The following MAF variants were observed in gnomAD, a reference collection of about 807,000 sequenced individuals.
The protein encoded by MAF is transcription factor Maf.
Under a neutral mutation model 22.0 loss-of-function variants are expected in MAF, and 10 were observed. The ratio of observed to expected loss-of-function variants is 0.45; its 90% CI spans 0.28 to 0.77. MAF has a LOEUF of 0.77. MAF is among the 30% of genes least tolerant of loss of function. The probability of loss-of-function intolerance (pLI) is 0.12; values close to 1 mark genes in which losing one functional copy is unlikely to be tolerated. For missense variants in MAF, 544 were observed against 548.4 expected (o/e 0.99, Z 0.08); for synonymous variants, 337 against 255.8 (o/e 1.32, Z -3.03).
the MAF span, among the ~76,000 whole-genome samples, chr16:79,453,921 A>G: frequency 6.6e-6 from 1 of 152,150 alleles, no homozygotes. Flanking sequence ...AATACTAAAT[A>G]CCTACCTTGC....
the MAF span, among the ~76,000 whole-genome samples, chr16:79,426,987 G>A: frequency 6.6e-6 from 1 of 152,188 alleles, no homozygotes; most frequent in African/African-American, 2.4e-5. Flanking sequence ...CTGGATTGCT[G>A]AACTGCAGAA....
chr16:79,493,145 T>TG, the MAF span, among the ~76,000 whole-genome samples: 17 of 146,144 alleles, frequency 1.2e-4, no homozygotes, highest in South Asian at 2.2e-4. Context: ...TTTTTTTTGT[T>TG]TTGTTTTGTC....
the MAF span, among the ~76,000 whole-genome samples, chr16:79,526,667 A>G: frequency 6.6e-6 from 1 of 152,282 alleles, no homozygotes; most frequent in Non-Finnish European, 1.5e-5. Context: ...CAAAACAACA[A>G]CAACAAAAAA....
the MAF span, among the ~76,000 whole-genome samples, chr16:79,341,698 T>G: frequency 1.3e-5 from 2 of 152,310 alleles, no homozygotes; most frequent in East Asian, 3.9e-4. Flanking sequence ...ACAATATAAC[T>G]CTGGCTTTGG....
chr16:79,220,269 AAAAAAG>A, the MAF span, among the ~76,000 whole-genome samples: 1 of 151,364 alleles, frequency 6.6e-6, no homozygotes, highest in Admixed American at 6.6e-5. Flanking sequence ...AAAAAAAAAA[AAAAAAG>A]TTAAAGTTAA....
At chr16:79,436,809 C>T in the MAF span, among the ~76,000 whole-genome samples, 6 of 152,342 alleles carry the variant, frequency 3.9e-5, no homozygotes, top group Admixed American at 3.9e-4. Flanking sequence ...CTTGGCATCT[C>T]CAGCACTCCA....
chr16:79,255,077 T>C, the MAF span, among the ~76,000 whole-genome samples: 474 of 152,358 alleles, frequency 3.1e-3, 7 homozygotes, highest in Admixed American at 0.023. Context: ...TTATGTCTCC[T>C]GAAAACGTCT....
the MAF span, among the ~76,000 whole-genome samples, chr16:79,210,015 A>G: frequency 6.6e-6 from 1 of 152,190 alleles, no homozygotes; most frequent in African/African-American, 2.4e-5. Flanking sequence ...GAGGTAACAA[A>G]CCAGCTACTA....
chr16:79,476,486 G>A, the MAF span, among the ~76,000 whole-genome samples: 1 of 152,322 alleles, frequency 6.6e-6, no homozygotes, highest in South Asian at 2.1e-4. Flanking sequence ...ATTTGAAAGA[G>A]TGAAGTGCAT....
the MAF span, among the ~76,000 whole-genome samples, chr16:79,501,662 C>G: frequency 1.2e-4 from 19 of 152,176 alleles, no homozygotes; most frequent in African/African-American, 4.6e-4. Context: ...AAAATTACAT[C>G]AAACAACTGA....
chr16:79,512,104 C>T, the MAF span, among the ~76,000 whole-genome samples: 1 of 152,182 alleles, frequency 6.6e-6, no homozygotes, highest in South Asian at 2.1e-4. Flanking sequence ...CCTGTAGAGA[C>T]AGCCTGCTTC....
the MAF span, among the ~76,000 whole-genome samples, chr16:79,366,589 G>T: frequency 7.9e-5 from 12 of 152,200 alleles, no homozygotes; most frequent in Admixed American, 2.6e-4. Flanking sequence ...GACTTACTTT[G>T]ATCAAGGAAA....
downstream of MAF, among the ~76,000 whole-genome samples, chr16:79,591,112 G>A (rs575913492): frequency 3.3e-5 from 5 of 152,168 alleles, no homozygotes; most frequent in East Asian, 3.9e-4. Flanking sequence ...AGGTTTCATC[G>A]CTTCTCCTGT....
chr16:79,308,819 C>T, the MAF span, among the ~76,000 whole-genome samples: 1 of 152,170 alleles, frequency 6.6e-6, no homozygotes, highest in South Asian at 2.1e-4. Flanking sequence ...TAATTCCTGA[C>T]TCTGGAACCT....
At chr16:79,335,260 A>G in the MAF span, among the ~76,000 whole-genome samples, 1 of 151,630 alleles carries the variant, frequency 6.6e-6, no homozygotes, top group Non-Finnish European at 1.5e-5. Flanking sequence ...GGGCTGTTGG[A>G]GAAGGGGTGA....
At chr16:79,446,254 C>G in the MAF span, among the ~76,000 whole-genome samples, 435 of 152,264 alleles carry the variant, frequency 2.9e-3, 5 homozygotes, top group African/African-American at 1.0e-2. Flanking sequence ...GATTAGGAAC[C>G]TGAAATCTTG....
At chr16:79,519,821 T>A in the MAF span, among the ~76,000 whole-genome samples, 1 of 152,260 alleles carries the variant, frequency 6.6e-6, no homozygotes, top group Non-Finnish European at 1.5e-5. Context: ...GGTCCTGTGA[T>A]CTGTCACCAT....
the MAF span, among the ~76,000 whole-genome samples, chr16:79,543,755 C>T: frequency 6.7e-6 from 1 of 149,200 alleles, no homozygotes; most frequent in Non-Finnish European, 1.5e-5. Context: ...GGTGCAATCT[C>T]GGCTCACTGC....
chr16:79,540,411 C>G, the MAF span, among the ~76,000 whole-genome samples: 1 of 152,156 alleles, frequency 6.6e-6, no homozygotes, highest in African/African-American at 2.4e-5. Context: ...TCCAACGCTT[C>G]AACCACTCAG....
Sources: allele counts gnomAD v4.1 joint callset (sites outside exome capture counted in the v4.1 genomes callset), GRCh38; gene constraint gnomAD v4.1.1; transcripts MANE v1.5; gene names NCBI Gene and HGNC (gene_info 2026-07-23, HGNC 2026-07-21).